Variants in LPCAT2 observed in about 807,000 individuals in gnomAD.
LPCAT2 encodes the protein lysophosphatidylcholine acyltransferase 2, also known as 1-AGP acyltransferase 11.
LPCAT2 carries 58 observed loss-of-function variants against 64.7 expected under a neutral mutation model. That is an observed-to-expected ratio of 0.90 (90% CI 0.73 to 1.12). LPCAT2 has a LOEUF of 1.12. Ranked by LOEUF, LPCAT2 falls within the 50% of genes most tolerant of loss-of-function variation. The pLI is 0.00. For missense variants in LPCAT2, 579 were observed against 669.8 expected, an observed-to-expected ratio of 0.86 and a Z score of 1.50; for synonymous variants, 252 against 245.3, an observed-to-expected ratio of 1.03 and a Z score of -0.26.
rs1442876948 is a variant in LPCAT2 at position 55,584,783 on chromosome 16, G to A, written c.*1685G>A. 3 of 152,092 alleles carry A rather than the reference G, an allele frequency of 2.0e-5. No homozygotes were observed. Among genetic ancestry groups the A allele is most frequent in the African/African-American group, 7.2e-5 (3 of 41,414 alleles). The allele number at this position is 152,092 out of a possible 1,614,324, so 9.4% of individuals were successfully genotyped here. On this transcript the variant is annotated 3_prime_UTR_variant, in exon 14 of 14. Coordinates refer to ENST00000262134, the MANE Select transcript of LPCAT2 (RefSeq NM_017839.5). ...GTTCTAATTTAATGGGTAAATGTGT[G>A]TTTGGATAAATATCTGAAAATTTTA...
At chr16:55,518,519 T>C (rs1208916985) in intron 1 of LPCAT2, among the ~76,000 whole-genome samples, 2 of 152,212 alleles carry the variant, frequency 1.3e-5, no homozygotes, top group Non-Finnish European at 2.9e-5. Context: ...ACATTTCTCA[T>C]TTTCAAAACG....
rs1159559033 is a variant in LPCAT2, at chr16:55,532,882, G to T, written c.762G>T (p.Leu254=). ...QPVLLRYPNK[L]DTVTWTWQGY... is the part of the protein sequence containing the mutation. ...TCCTCCTCAGATACCCAAACAAGCT[G>T]GTAAGCACAGTATTTTACCACAGGA... Residue 254 remains leucine (L), a splice_region_variant and synonymous_variant, in exon 6 of 14, where the codon CTG becomes CTT. Transcript: ENST00000262134. 1 of 1,610,602 alleles carries T rather than the reference G, an allele frequency of 6.2e-7. No homozygotes were observed. The highest frequency in any genetic ancestry group is 8.5e-7 in the Non-Finnish European group (1 of 1,177,604).
rs1381970275 is a variant in LPCAT2 at position 55,584,481 on chromosome 16, C to T, written c.*1383C>T. 6.6e-6 allele frequency: 1 copy of T among 152,164 alleles called. No individual in the cohort carries two copies. Among genetic ancestry groups the T allele is most frequent in the Non-Finnish European group, 1.5e-5 (1 of 68,034 alleles). The allele number at this position is 152,164 out of a possible 1,614,324, so 9.4% of individuals were successfully genotyped here. A position where few individuals can be genotyped will look rare whatever the true frequency, so the allele number is the denominator to read the frequency against. ...TTGAATTGTCATTTTTAATGGGTCTCACACATGCATATTGCTAATATCATT... is the reference window on the plus strand; with the variant it reads ...TTGAATTGTCATTTTTAATGGGTCTTACACATGCATATTGCTAATATCATT... On this transcript the variant is annotated 3_prime_UTR_variant, in exon 14 of 14. Transcript: ENST00000262134.
In LPCAT2 at chr16:55,582,982, C is replaced by T; in HGVS notation, c.1519C>T (p.Gln507Ter). Reference protein sequence around the residue: ...AKIFTTYLDLQTCHVFSLPKE... With the variant: ...AKIFTTYLDL ...GATATTTACAACATACCTAGACCTC[C>T]AGACGTGCCATGTGTTTTCATTACC... is the stretch of plus-strand genomic sequence containing the variant. The change falls in exon 14 of 14, where the codon CAG becomes TAG. Residue 507 changes from glutamine to a stop codon, truncating the protein, a stop_gained. Transcript: ENST00000262134. LOFTEE classifies it high-confidence loss of function. 6.2e-7 allele frequency: 1 copy of T among 1,613,758 alleles called. No homozygotes were observed. Among genetic ancestry groups the T allele is most frequent in the South Asian group, 1.1e-5 (1 of 91,076 alleles).
intron 1 of LPCAT2, among the ~76,000 whole-genome samples, chr16:55,517,678 C>A (rs1583588): frequency 6.6e-6 from 1 of 151,818 alleles, no homozygotes; most frequent in Non-Finnish European, 1.5e-5. Context: ...ATGTAATGTT[C>A]GTTCAACATA....
intron 11 of LPCAT2, among the ~76,000 whole-genome samples, chr16:55,552,484 C>T (rs1963528780): frequency 6.6e-6 from 1 of 151,940 alleles, no homozygotes; most frequent in Admixed American, 6.6e-5. Flanking sequence ...AGTAAGAACC[C>T]TTTGTTTTAT....
intron 11 of LPCAT2, chr16:55,566,603 A>G: frequency 1.3e-6 from 1 of 755,036 alleles, no homozygotes; most frequent in Non-Finnish European, 2.1e-6. Context: ...AGGTATCTTC[A>G]GTAGGATGTG....
intron 11 of LPCAT2, among the ~76,000 whole-genome samples, chr16:55,557,257 A>G (rs747362099): frequency 5.3e-5 from 8 of 150,104 alleles, no homozygotes; most frequent in Non-Finnish European, 1.2e-4. Context: ...CTGTCTCTCT[A>G]TCTCTCTGTC....
At chr16:55,537,714 T>C (rs1438423154) in intron 8 of LPCAT2, 82 bp downstream of exon 8, 1 of 1,126,256 alleles carries the variant, frequency 8.9e-7, no homozygotes. Context: ...AGAGACCAGA[T>C]ATAAAGGTCC....
At chr16:55,552,960 G>A (rs1275831936) in intron 11 of LPCAT2, among the ~76,000 whole-genome samples, 4 of 152,238 alleles carry the variant, frequency 2.6e-5, no homozygotes, top group Admixed American at 2.0e-4. Context: ...TGTAGGCTGG[G>A]TTCAGTGGCT....
chr16:55,563,489 A>T (rs1587630), intron 11 of LPCAT2, among the ~76,000 whole-genome samples: 2 of 152,016 alleles, frequency 1.3e-5, no homozygotes, highest in South Asian at 4.1e-4. Context: ...TCAACAGCAC[A>T]CTAAAAGTAT....
At chr16:55,552,498 A>T (rs745820986) in intron 11 of LPCAT2, among the ~76,000 whole-genome samples, 3 of 152,090 alleles carry the variant, frequency 2.0e-5, no homozygotes, top group African/African-American at 7.2e-5. Flanking sequence ...GTTTTATCTT[A>T]TTTGAGAATT....
chr16:55,525,835 T>G, intron 2 of LPCAT2, 188 bp downstream of exon 2: 1 of 356,984 alleles, frequency 2.8e-6, no homozygotes, highest in Non-Finnish European at 4.9e-6. Flanking sequence ...TAATTTATTT[T>G]TATTTCTCAT....
At chr16:55,550,147 A>G (rs1282304426) in intron 10 of LPCAT2, among the ~76,000 whole-genome samples, 1 of 152,220 alleles carries the variant, frequency 6.6e-6, no homozygotes, top group African/African-American at 2.4e-5. Context: ...GATAATAAAA[A>G]TGTTTTGCTT....
chr16:55,567,838 T>A (rs1173957995), intron 11 of LPCAT2, among the ~76,000 whole-genome samples: 2 of 152,140 alleles, frequency 1.3e-5, no homozygotes, highest in African/African-American at 4.8e-5. Context: ...GAGTAGGAAC[T>A]TTATTATTGT....
At chr16:55,565,692 G>T (rs1963687344) in intron 11 of LPCAT2, among the ~76,000 whole-genome samples, 2 of 152,048 alleles carry the variant, frequency 1.3e-5, no homozygotes, top group Non-Finnish European at 2.9e-5. Context: ...GTTACCAGGG[G>T]TGGGGGAAGG....
intron 3 of LPCAT2, 140 bp downstream of exon 3, chr16:55,528,734 T>A: frequency 1.5e-6 from 1 of 666,544 alleles, no homozygotes; most frequent in East Asian, 2.8e-5. Flanking sequence ...TTGTAATAAG[T>A]TACTACATGG....
At chr16:55,577,113 G>A (rs1367419159) in intron 12 of LPCAT2, among the ~76,000 whole-genome samples, 2 of 152,144 alleles carry the variant, frequency 1.3e-5, no homozygotes, top group Admixed American at 6.6e-5. Flanking sequence ...TCTACAGTTT[G>A]TGAAAACAGA....
At chr16:55,531,128 T>C (rs1367551254) in intron 4 of LPCAT2, among the ~76,000 whole-genome samples, 2 of 152,218 alleles carry the variant, frequency 1.3e-5, no homozygotes, top group Non-Finnish European at 2.9e-5. Context: ...TCATAATTTT[T>C]ATTTTATAAA....
Sources: gnomAD v4.1 joint callset for allele counts (sites outside exome capture counted in the v4.1 genomes callset) on GRCh38, gnomAD v4.1.1 for gene constraint, MANE v1.5 for transcripts, NCBI Gene and HGNC (gene_info 2026-07-23, HGNC 2026-07-21) for gene names.